BAZ1B: variants seen among roughly 807,000 people sequenced by gnomAD.
The protein encoded by BAZ1B is tyrosine-protein kinase BAZ1B.
BAZ1B carries 22 observed loss-of-function variants against 153.8 expected under a neutral mutation model. The observed-to-expected ratio is 0.14, with a 90% CI of 0.10 to 0.20. BAZ1B has a LOEUF of 0.20. Ranked by LOEUF, BAZ1B falls within the 10% of genes least tolerant of loss-of-function variation. BAZ1B has a pLI of 1.00. For synonymous variants in BAZ1B, 676 were observed against 633.4 expected (o/e 1.07, Z -1.01); for missense variants, 1,325 against 1,799.3 (o/e 0.74, Z 4.77).
In BAZ1B at chr7:73,478,001, T is replaced by C. The variant is rs782819105; in HGVS notation, c.1460A>G (p.Asp487Gly). Reference protein sequence around the residue: ...HLIAYYKENKDREDKRSALSC... With the variant: ...HLIAYYKENKGREDKRSALSC... ...CAGGGCGCTCCTCTTGTCCTCCCTG[T>C]CTTTGTTTTCTTTGTAGTATGCAAT... Residue 487 changes from aspartate to glycine, a missense_variant, in exon 7 of 20, where the codon GAC (aspartate) becomes GGC (glycine). By Grantham distance (94) the Asp-to-Gly change is moderately conservative. This residue lies in a region of BAZ1B where 154 missense variants were observed against 266.3 expected (regional missense o/e 0.58). Transcript: ENST00000339594. 6.2e-7 allele frequency: 1 copy of C among 1,614,060 alleles called. No homozygotes were observed. The highest frequency in any genetic ancestry group is 8.5e-7 in the Non-Finnish European group (1 of 1,180,000).
chr7:73,465,384 TA>T, intron 11 of BAZ1B, 54 bp downstream of exon 11: 1 of 1,197,092 alleles, frequency 8.4e-7, no homozygotes, highest in Non-Finnish European at 1.2e-6. Flanking sequence ...CTCAGATATT[TA>T]TATCCAATGC....
In BAZ1B at chr7:73,459,581, T is replaced by C; in HGVS notation, c.3387A>G (p.Lys1129=). The C allele has an allele frequency of 6.2e-7, 1 of 1,613,952 alleles. No individual in the cohort carries two copies. Among genetic ancestry groups the C allele is most frequent in the Non-Finnish European group, 8.5e-7 (1 of 1,180,010 alleles). The change falls in exon 13 of 20, where the codon AAA becomes AAG. Residue 1129 remains lysine (K), a synonymous_variant. Coordinates refer to ENST00000339594, the MANE Select transcript of BAZ1B (RefSeq NM_032408.4). ...TCTTCTCTTCATCCACTTCCTCAGTTTTTGCTGAATCTTCACTTTGGAGTT... is the reference window on the plus strand; with the variant it reads ...TCTTCTCTTCATCCACTTCCTCAGTCTTTGCTGAATCTTCACTTTGGAGTT... ...RRKLQSEDSA[K]TEEVDEEKKM... is the part of the protein sequence containing the mutation.
intron 13 of BAZ1B, among the ~76,000 whole-genome samples, chr7:73,458,957 T>G (rs1788294879): frequency 1.3e-5 from 2 of 151,952 alleles, no homozygotes; most frequent in African/African-American, 4.8e-5. Context: ...AAAAAGAAAG[T>G]AAACTGGTAG....
chr7:73,465,943 G>A (rs1277141859), intron 10 of BAZ1B, among the ~76,000 whole-genome samples: 1 of 152,042 alleles, frequency 6.6e-6, no homozygotes, highest in Admixed American at 6.6e-5. Context: ...TAAAGGAAAC[G>A]AATAGCTATG....
chr7:73,455,117 C>A (rs1422585508), intron 13 of BAZ1B, among the ~76,000 whole-genome samples: 1 of 151,870 alleles, frequency 6.6e-6, no homozygotes, highest in Admixed American at 6.6e-5. Flanking sequence ...GAACTCCTGA[C>A]CTCAAGATCC....
intron 1 of BAZ1B, among the ~76,000 whole-genome samples, chr7:73,518,143 T>G (rs1583964226): frequency 6.6e-6 from 1 of 152,060 alleles, no homozygotes; most frequent in African/African-American, 2.4e-5. Context: ...GGCTCACGTC[T>G]GTAATCCCAG....
At chr7:73,453,882 A>G (rs1165796690) in intron 13 of BAZ1B, among the ~76,000 whole-genome samples, 4 of 152,102 alleles carry the variant, frequency 2.6e-5, no homozygotes, top group Admixed American at 2.0e-4. Context: ...GGGAGGCTGA[A>G]GTAGAAGGAC....
Position 73,450,560 on chromosome 7 carries a change from CTAAAA to C in BAZ1B, c.3580+282_3580+286del, listed in dbSNP as rs1395851842. On this transcript the variant is annotated intron_variant, in intron 14 of 19. Transcript: ENST00000339594. The surrounding 1 kb of genome is among the most constrained non-coding windows in gnomAD (Gnocchi z 4.1). ...ATCAAAGGATTTAAAACTAAACTAA[CTAAAA>C]TAGTTACAAGGATTAACTAATTTTG... is the stretch of plus-strand genomic sequence containing the variant. Among the ~76,000 whole-genome samples, 2 of 152,168 alleles carry C rather than the reference CTAAAA, an allele frequency of 1.3e-5. No homozygotes were observed. The highest frequency in any genetic ancestry group is 2.9e-5 in the Non-Finnish European group (2 of 68,024).
intron 1 of BAZ1B, among the ~76,000 whole-genome samples, chr7:73,513,414 T>C (rs782099492): frequency 3.3e-5 from 5 of 152,194 alleles, no homozygotes; most frequent in Non-Finnish European, 5.9e-5. Flanking sequence ...AACTGAGTAA[T>C]AAATCCATTT....
intron 6 of BAZ1B, among the ~76,000 whole-genome samples, chr7:73,488,487 T>C (rs902728189): frequency 6.6e-6 from 1 of 152,076 alleles, no homozygotes; most frequent in Admixed American, 6.6e-5. Context: ...ATCCCAGCAC[T>C]TTGGGAGGCC....
chr7:73,504,210 T>C (rs887181532), intron 3 of BAZ1B, among the ~76,000 whole-genome samples: 23 of 152,152 alleles, frequency 1.5e-4, no homozygotes, highest in Non-Finnish European at 2.8e-4. Flanking sequence ...CTGACTGATA[T>C]AAAGTATGTG....
intron 7 of BAZ1B, among the ~76,000 whole-genome samples, chr7:73,476,394 A>T (rs1351340032): frequency 6.6e-6 from 1 of 152,248 alleles, no homozygotes; most frequent in Non-Finnish European, 1.5e-5. Context: ...TAAATCTTAA[A>T]GGACAGATTA....
At position 73,442,726 on chromosome 7, in the gene BAZ1B, T is replaced by G. The variant is rs1563359776; in HGVS notation, c.4093A>C (p.Arg1365=). The change falls in exon 18 of 20, where the codon AGG becomes CGG. Residue 1365 remains arginine (R), a splice_region_variant and synonymous_variant. Transcript: ENST00000339594. ...TGCACCTGAGAACACAGCACTCACC[T>G]GAAGGGCCAGCTGAAGCGGTACTTC... The part of the protein sequence containing the change: ...IVKYRFSWPF[R]EPVTRDEAED... 7 of 1,613,930 alleles carry G rather than the reference T, an allele frequency of 4.3e-6. No individual in the cohort carries two copies. In the Admixed American group the frequency reaches 1.0e-4, roughly 23 times the overall value.
intron 6 of BAZ1B, among the ~76,000 whole-genome samples, chr7:73,486,030 G>A (rs992276546): frequency 6.6e-5 from 10 of 152,100 alleles, no homozygotes; most frequent in Admixed American, 2.6e-4. Flanking sequence ...AAAAAATTAC[G>A]CTGCCCCTAA....
At chr7:73,493,276 C>T (rs2116392945) in intron 4 of BAZ1B, among the ~76,000 whole-genome samples, 1 of 151,804 alleles carries the variant, frequency 6.6e-6, no homozygotes, top group South Asian at 2.1e-4. Flanking sequence ...GCCTGACCAA[C>T]ATGGAGAAAC....
chr7:73,455,965 C>CA (rs1583891810), intron 13 of BAZ1B, among the ~76,000 whole-genome samples: 1 of 152,106 alleles, frequency 6.6e-6, no homozygotes, highest in East Asian at 1.9e-4. Flanking sequence ...AAAAGGACAC[C>CA]AAACTATTAA....
intron 3 of BAZ1B, among the ~76,000 whole-genome samples, chr7:73,504,979 C>T (rs1554577576): frequency 6.6e-6 from 1 of 152,186 alleles, no homozygotes; most frequent in East Asian, 1.9e-4. Flanking sequence ...AGGTGTGAAT[C>T]TTGGCCCCAT....
chr7:73,447,322 CTCTTCATCACTCTCATCA>C lies in BAZ1B; in HGVS notation c.3768_3785del (p.Asp1256_Glu1261del), dbSNP rs1220900146. ...CCTCCTCCTCTTCTTCCTCCTCCTC[CTCTTCATCACTCTCATCA>C]TCTTCACTGTCCTCAGAAGCAGACT... On this transcript the variant is annotated inframe_deletion, in exon 16 of 20. Coordinates refer to ENST00000339594, the MANE Select transcript of BAZ1B (RefSeq NM_032408.4). The C allele has an allele frequency of 8.1e-6, 13 of 1,611,076 alleles. No homozygotes were observed. Among genetic ancestry groups the C allele is most frequent in the Non-Finnish European group, 1.1e-5 (13 of 1,177,338 alleles).
chr7:73,445,511 G>A (rs973139687), intron 16 of BAZ1B, among the ~76,000 whole-genome samples: 1 of 152,114 alleles, frequency 6.6e-6, no homozygotes, highest in African/African-American at 2.4e-5. Flanking sequence ...GAGCTACAAC[G>A]TAGAAGTGGA....
Sources: allele counts gnomAD v4.1 joint callset (sites outside exome capture counted in the v4.1 genomes callset), GRCh38; gene constraint gnomAD v4.1.1; regional missense constraint gnomAD v4.1.1; non-coding constraint Gnocchi (gnomAD v3.1); transcripts MANE v1.5; gene names NCBI Gene and HGNC (gene_info 2026-07-23, HGNC 2026-07-21).